GUCD1: variants seen among roughly 807,000 people sequenced by gnomAD.
The protein encoded by GUCD1 is guanylyl cyclase domain containing 1.
A neutral mutation model predicts 28.3 loss-of-function variants in GUCD1; 17 were observed. The ratio of observed to expected loss-of-function variants is 0.60; its 90% CI spans 0.41 to 0.90. The LOEUF is 0.90. GUCD1 is among the 40% of genes least tolerant of loss of function. GUCD1 has a pLI of 0.00. For missense variants in GUCD1, 279 were observed against 305.5 expected (o/e 0.91, Z 0.65); for synonymous variants, 129 against 123.3 (o/e 1.05, Z -0.30).
chr22:24,545,511 A>G (rs1356522418), intron 4 of GUCD1, among the ~76,000 whole-genome samples: 1 of 151,776 alleles, frequency 6.6e-6, no homozygotes, highest in Non-Finnish European at 1.5e-5. Context: ...TCAAGGAGAC[A>G]GCACCTGTTG....
intron 4 of GUCD1, among the ~76,000 whole-genome samples, chr22:24,544,453 T>C (rs1370205980): frequency 1.3e-5 from 2 of 152,062 alleles, no homozygotes; most frequent in Non-Finnish European, 2.9e-5. Flanking sequence ...CTGTCTCTCC[T>C]CTACCCTAAA....
chr22:24,548,733 G>A (rs2044793358), intron 2 of GUCD1, among the ~76,000 whole-genome samples, 184 bp downstream of exon 2: 2 of 152,218 alleles, frequency 1.3e-5, no homozygotes, highest in African/African-American at 4.8e-5. Flanking sequence ...TGGAGAGCTG[G>A]AAGGCCTGGT....
chr22:24,554,157 G>T (rs969283762), intron 1 of GUCD1, among the ~76,000 whole-genome samples: 2 of 152,210 alleles, frequency 1.3e-5, no homozygotes, highest in Admixed American at 1.3e-4. Flanking sequence ...TGCACGCAGC[G>T]CGCGCCTGCC....
chr22:24,555,193 C>T, upstream of GUCD1: 5 of 1,299,632 alleles, frequency 3.8e-6, no homozygotes, highest in Non-Finnish European at 4.9e-6. Context: ...GGAGGCCCCG[C>T]CCCCTCCTTA....
At chr22:24,544,204 G>A in intron 4 of GUCD1, 121 bp from the exon 5 acceptor site, 2 of 1,369,216 alleles carry the variant, frequency 1.5e-6, no homozygotes, top group Non-Finnish European at 2.0e-6. Context: ...TTTTCCCTTT[G>A]CCCTGAACTC....
intron 3 of GUCD1, 122 bp downstream of exon 3, chr22:24,547,786 C>A: frequency 9.9e-7 from 1 of 1,009,934 alleles, no homozygotes; most frequent in Non-Finnish European, 1.5e-6. Flanking sequence ...CTGGTCTCTG[C>A]ACACCTGGGT....
chr22:24,543,547 C>T (rs2044647214), intron 5 of GUCD1, among the ~76,000 whole-genome samples: 1 of 152,096 alleles, frequency 6.6e-6, no homozygotes, highest in African/African-American at 2.4e-5. Flanking sequence ...AGGGGTGCAG[C>T]CTGGGCAGCA....
In GUCD1 at chr22:24,541,980, C is replaced by T. The variant is rs1444213592; in HGVS notation, c.*1026G>A. ...TCCCCAAAAAAGAGGAAGGAAAGAG[C>T]TCTATGCTACTTGCTGTGTTGTAAG... On this transcript the variant is annotated 3_prime_UTR_variant, in exon 6 of 6. Transcript: ENST00000435822. 6.6e-6 allele frequency: 1 copy of T among 152,278 alleles called. No homozygotes were observed. Among genetic ancestry groups the T allele is most frequent in the Non-Finnish European group, 1.5e-5 (1 of 68,072 alleles). The allele number at this position is 152,278 out of a possible 1,614,324, so 9.4% of individuals were successfully genotyped here.
Position 24,549,015 on chromosome 22 carries a change from G to C in GUCD1, c.44-14C>G. On this transcript the variant is annotated splice_polypyrimidine_tract_variant and intron_variant, in intron 1 of 5. Coordinates refer to ENST00000435822, the MANE Select transcript of GUCD1 (RefSeq NM_001284254.2). ...GCACAAAGTCCCCTGTGCAGAAACAGAGGGAGGTCACAGACCCTCAGCGCA... is the reference window on the plus strand; with the variant it reads ...GCACAAAGTCCCCTGTGCAGAAACACAGGGAGGTCACAGACCCTCAGCGCA... 1.9e-6 allele frequency: 3 copies of C among 1,556,330 alleles called. No homozygotes were observed. Among genetic ancestry groups the C allele is most frequent in the Non-Finnish European group, 2.6e-6 (3 of 1,147,026 alleles).
rs568160047 is a variant in GUCD1, at chr22:24,555,114, G to A, written c.-123C>T. On this transcript the variant is annotated 5_prime_UTR_variant, in exon 1 of 6. Transcript: ENST00000435822. The stretch of plus-strand genomic sequence containing the variant: ...CTTCTCCGCCACCGCCGCCGCTGCG[G>A]AGGAGAGAACGGGAGGCGGCGGCTG... The A allele has an allele frequency of 6.1e-6, 8 of 1,317,226 alleles. No homozygotes were observed. Among genetic ancestry groups the A allele is most frequent in the East Asian group, 3.1e-5 (1 of 31,976 alleles). The allele number at this position is 1,317,226 out of a possible 1,614,324, so 81.6% of individuals were successfully genotyped here. A position where few individuals can be genotyped will look rare whatever the true frequency, so the allele number is the denominator to read the frequency against.
In GUCD1 at chr22:24,544,053, G is replaced by A. The variant is rs1380088019; in HGVS notation, c.417C>T (p.His139=). ...CGATGGCCACATGGCCCTGAGCCAGGTGCGCCTGGATGTCCTTCACACTCA... is the reference window on the plus strand; with the variant it reads ...CGATGGCCACATGGCCCTGAGCCAGATGCGCCTGGATGTCCTTCACACTCA... ...CTVSVKDIQA[H]LAQGHVAIVL... is the part of the protein sequence containing the mutation. Residue 139 remains histidine, a synonymous_variant, in exon 5 of 6, where the codon CAC becomes CAT. Coordinates refer to ENST00000435822, the MANE Select transcript of GUCD1 (RefSeq NM_001284254.2). 1.2e-6 allele frequency: 2 copies of A among 1,613,980 alleles called. No individual in the cohort carries two copies. Among genetic ancestry groups the A allele is most frequent in the Non-Finnish European group, 1.7e-6 (2 of 1,179,958 alleles).
chr22:24,552,395 C>T (rs1023309680), intron 1 of GUCD1, among the ~76,000 whole-genome samples: 5 of 152,222 alleles, frequency 3.3e-5, no homozygotes, highest in Non-Finnish European at 7.3e-5. Context: ...CAGCAGGAAA[C>T]TTGCTGATCT....
intron 2 of GUCD1, 43 bp downstream of exon 2, chr22:24,548,874 G>A (rs1294597049): frequency 1.4e-6 from 2 of 1,435,672 alleles, no homozygotes; most frequent in African/African-American, 1.4e-5. Flanking sequence ...AGCAGAAGAT[G>A]TAGATGGGAA....
At chr22:24,548,864 A>G in intron 2 of GUCD1, 53 bp downstream of exon 2, 9 of 1,378,618 alleles carry the variant, frequency 6.5e-6, no homozygotes, top group Non-Finnish European at 9.1e-6. Flanking sequence ...CCCAAGCCAG[A>G]GCAGAAGATG....
chr22:24,555,507 A>C, upstream of GUCD1: 1 of 1,329,272 alleles, frequency 7.5e-7, no homozygotes, highest in Non-Finnish European at 1.0e-6. Flanking sequence ...GGCCCCAAGC[A>C]ACTCTCCTCC....
chr22:24,546,305 C>A (rs62231933), intron 4 of GUCD1, among the ~76,000 whole-genome samples: 7 of 152,128 alleles, frequency 4.6e-5, no homozygotes, highest in African/African-American at 1.7e-4. Flanking sequence ...GATTATACTA[C>A]GTCAATAATG....
chr22:24,543,690 G>A, intron 5 of GUCD1, 152 bp downstream of exon 5: 1 of 1,022,016 alleles, frequency 9.8e-7, no homozygotes, highest in Non-Finnish European at 1.4e-6. Flanking sequence ...TGGCCACAGT[G>A]ACAAGAGCCC....
At position 24,554,984 on chromosome 22, in the gene GUCD1, G is replaced by C. The variant is rs2044999774; in HGVS notation, c.8C>G (p.Thr3Arg). The change falls in exon 1 of 6, where the codon ACG becomes AGG. Residue 3 changes from threonine to arginine, a missense_variant. Thr to Arg is a moderately conservative substitution (Grantham distance 71, BLOSUM62 -1). Transcript: ENST00000435822. MR[T>R]EAEAAGPPLE... The stretch of plus-strand genomic sequence containing the variant: ...CGGCGGCCCCGCTGCCTCCGCCTCC[G>C]TCCTCATGACCCGGGCGGCGCGGGG... 1 of 1,550,670 alleles carries C rather than the reference G, an allele frequency of 6.4e-7. No individual in the cohort carries two copies. The highest frequency in any genetic ancestry group is 8.7e-7 in the Non-Finnish European group (1 of 1,152,984).
upstream of GUCD1, chr22:24,555,644 T>A: frequency 6.4e-7 from 1 of 1,550,642 alleles, no homozygotes; most frequent in Non-Finnish European, 8.7e-7. Flanking sequence ...CAAATGAAAT[T>A]GTGACGGGAA....
Sources: gnomAD v4.1 joint callset for allele counts (sites outside exome capture counted in the v4.1 genomes callset) on GRCh38, gnomAD v4.1.1 for gene constraint, MANE v1.5 for transcripts, NCBI Gene and HGNC (gene_info 2026-07-23, HGNC 2026-07-21) for gene names.